OR5AS1: variants seen among roughly 807,000 people sequenced by gnomAD.
OR5AS1 encodes the protein olfactory receptor 5AS1.
For synonymous variants in OR5AS1, 196 were observed against 141.7 expected (o/e 1.38, Z -2.72); for missense variants, 492 against 378.2 (o/e 1.30, Z -2.50).
At position 56,037,809 on chromosome 11, in the gene OR5AS1, C is replaced by G. The variant is rs1853424212; in HGVS notation, c.*6416C>G. 1 of 151,770 alleles carries G rather than the reference C, an allele frequency of 6.6e-6. No individual in the cohort carries two copies. Among genetic ancestry groups the G allele is most frequent in the African/African-American group, 2.4e-5 (1 of 41,274 alleles). The allele number at this position is 151,770 out of a possible 1,614,324, so 9.4% of individuals were successfully genotyped here. On this transcript the variant is annotated 3_prime_UTR_variant, in exon 2 of 2. Transcript: ENST00000641320. ...GGAACCAGAAAACAGCCCATGTAGC[C>G]CAGGCAATCCTAAGCAAAAAGAACA...
rs1853424870 is a variant in OR5AS1, at chr11:56,037,869, ATAC to A, written c.*6480_*6482del. 1 of 152,110 alleles carries A rather than the reference ATAC, an allele frequency of 6.6e-6. No individual in the cohort carries two copies. Among genetic ancestry groups the A allele is most frequent in the Non-Finnish European group, 1.5e-5 (1 of 68,050 alleles). The allele number at this position is 152,110 out of a possible 1,614,324, so 9.4% of individuals were successfully genotyped here. A position where few individuals can be genotyped will look rare whatever the true frequency, so the allele number is the denominator to read the frequency against. ...GCATCATGCTACCTGGCTTCAAACT[ATAC>A]TACAAGGCTACAGTAATAAAAACAG... On this transcript the variant is annotated 3_prime_UTR_variant, in exon 2 of 2. Coordinates refer to ENST00000641320, the MANE Select transcript of OR5AS1 (RefSeq NM_001001921.2).
chr11:56,028,324 C>T lies in OR5AS1; in HGVS notation c.-29+612C>T, dbSNP rs547707453. 1.3e-4 allele frequency among the ~76,000 whole-genome samples: 20 copies of T among 151,978 alleles called. No homozygotes were observed. The South Asian group carries it at 2.9e-3, about 22-fold the overall frequency. On this transcript the variant is annotated intron_variant, in intron 1 of 1. Coordinates refer to ENST00000641320, the MANE Select transcript of OR5AS1 (RefSeq NM_001001921.2). ...AATTAAATATAACAAATAATTTAGGCATAGAGAAGTTCAATGAGTTCTAGA... is the reference window on the plus strand; with the variant it reads ...AATTAAATATAACAAATAATTTAGGTATAGAGAAGTTCAATGAGTTCTAGA...
rs142110904 is a variant in OR5AS1 at position 56,030,730 on chromosome 11, C to T, written c.312C>T (p.Phe104=). 94 of 1,611,682 alleles carry T rather than the reference C, an allele frequency of 5.8e-5. No individual in the cohort carries two copies. The African/African-American group carries it at 6.5e-4, about 11-fold the overall frequency. ...GGTGTGCACTACAAATGTTTTTCTT[C>T]GCTTCTTTTGCTGATGCTGAGTGCC... ...PYGCALQMFF[F]ASFADAECLI... The change falls in exon 2 of 2, where the codon TTC becomes TTT. Residue 104 remains phenylalanine, a synonymous_variant. Coordinates refer to ENST00000641320, the MANE Select transcript of OR5AS1 (RefSeq NM_001001921.2).
rs1014649534 is a variant in OR5AS1, at chr11:56,033,603, T to TA, written c.*2218dup. The TA allele has an allele frequency of 1.3e-5, 2 of 151,928 alleles. No individual in the cohort carries two copies. Among genetic ancestry groups the TA allele is most frequent in the Non-Finnish European group, 2.9e-5 (2 of 68,102 alleles). The allele number at this position is 151,928 out of a possible 1,614,324, so 9.4% of individuals were successfully genotyped here. A position where few individuals can be genotyped will look rare whatever the true frequency, so the allele number is the denominator to read the frequency against. ...TCCTCCTCTCTGGGCAGGGGATCTC[T>TA]AAAAAAAAGGCAGCAGCCCCAGTTA... On this transcript the variant is annotated 3_prime_UTR_variant, in exon 2 of 2. Transcript: ENST00000641320.
rs1161088303 is a variant in OR5AS1, at chr11:56,036,496, A to G, written c.*5103A>G. ...ATACAAACTACCATCAGAGAATACT[A>G]TAAACACCTCCACACAAATAAACTA... On this transcript the variant is annotated 3_prime_UTR_variant, in exon 2 of 2. Transcript: ENST00000641320. 6.6e-6 allele frequency: 1 copy of G among 152,150 alleles called. No homozygotes were observed. The highest frequency in any genetic ancestry group is 1.5e-5 in the Non-Finnish European group (1 of 68,034). The allele number at this position is 152,150 out of a possible 1,614,324, so 9.4% of individuals were successfully genotyped here.
chr11:56,029,067 A>C (rs766168833), intron 1 of OR5AS1, among the ~76,000 whole-genome samples: 10 of 152,056 alleles, frequency 6.6e-5, no homozygotes, highest in Non-Finnish European at 8.8e-5. Context: ...AAAAAATCTG[A>C]GTTCACAAAG....
Position 56,031,437 on chromosome 11 carries a change from C to T in OR5AS1, c.*44C>T. ...TAAACAGCAATTATGCCATGAACAT[C>T]TTATGTGTTAACTATTTTAAATTTA... On this transcript the variant is annotated 3_prime_UTR_variant, in exon 2 of 2. Transcript: ENST00000641320. The T allele has an allele frequency of 3.0e-6, 4 of 1,321,872 alleles. No individual in the cohort carries two copies. The highest frequency in any genetic ancestry group is 4.1e-6 in the Non-Finnish European group (4 of 973,852). The allele number at this position is 1,321,872 out of a possible 1,614,324, so 81.9% of individuals were successfully genotyped here.
rs1238045797 is a variant in OR5AS1 at position 56,036,120 on chromosome 11, C to A, written c.*4727C>A. 6.6e-6 allele frequency: 1 copy of A among 152,022 alleles called. No individual in the cohort carries two copies. The highest frequency in any genetic ancestry group is 6.6e-5 in the Admixed American group (1 of 15,240). 9.4% of individuals were successfully genotyped at this position (152,022 alleles called of 1,614,324 possible). ...ACACAAGGTATCAGAATCTCTGGGACATAGCTAAAGCAGTGTTTAGAGGAA... is the reference window on the plus strand; with the variant it reads ...ACACAAGGTATCAGAATCTCTGGGAAATAGCTAAAGCAGTGTTTAGAGGAA... On this transcript the variant is annotated 3_prime_UTR_variant, in exon 2 of 2. Transcript: ENST00000641320.
chr11:56,033,772 T>C lies in OR5AS1; in HGVS notation c.*2379T>C, dbSNP rs1853375740. On this transcript the variant is annotated 3_prime_UTR_variant, in exon 2 of 2. Coordinates refer to ENST00000641320, the MANE Select transcript of OR5AS1 (RefSeq NM_001001921.2). ...ATACCTCCCAGCACATCGTTCAAGCTCTCCTAAGAGATAGACTCCTGCATC... is the reference window on the plus strand; with the variant it reads ...ATACCTCCCAGCACATCGTTCAAGCCCTCCTAAGAGATAGACTCCTGCATC... 2 of 152,068 alleles carry C rather than the reference T, an allele frequency of 1.3e-5. No homozygotes were observed. Among genetic ancestry groups the C allele is most frequent in the African/African-American group, 4.8e-5 (2 of 41,358 alleles). 9.4% of individuals were successfully genotyped at this position (152,068 alleles called of 1,614,324 possible). A position where few individuals can be genotyped will look rare whatever the true frequency, so the allele number is the denominator to read the frequency against.
intron 1 of OR5AS1, 38 bp from the exon 2 acceptor site, chr11:56,030,353 A>G (rs1402953708): frequency 5.8e-6 from 6 of 1,029,158 alleles, no homozygotes; most frequent in African/African-American, 1.6e-5. Context: ...TGGTTCATCC[A>G]TAACTCAAGT....
Position 56,035,394 on chromosome 11 carries a change from G to A in OR5AS1, c.*4001G>A, listed in dbSNP as rs1330511764. ...CGATCTCATGTGCAAAGCATACATA[G>A]GCTCAAAATAACGGGATGGAGGAAT... is the stretch of plus-strand genomic sequence containing the variant. On this transcript the variant is annotated 3_prime_UTR_variant, in exon 2 of 2. Coordinates refer to ENST00000641320, the MANE Select transcript of OR5AS1 (RefSeq NM_001001921.2). 1 of 151,924 alleles carries A rather than the reference G, an allele frequency of 6.6e-6. No individual in the cohort carries two copies. Among genetic ancestry groups the A allele is most frequent in the African/African-American group, 2.4e-5 (1 of 41,310 alleles). 9.4% of individuals were successfully genotyped at this position (151,924 alleles called of 1,614,324 possible).
chr11:56,032,395 G>A lies in OR5AS1; in HGVS notation c.*1002G>A, dbSNP rs1163202360. 4 of 151,960 alleles carry A rather than the reference G, an allele frequency of 2.6e-5. No individual in the cohort carries two copies. The highest frequency in any genetic ancestry group is 1.9e-4 in the East Asian group (1 of 5,180). The allele number at this position is 151,960 out of a possible 1,614,324, so 9.4% of individuals were successfully genotyped here. A position where few individuals can be genotyped will look rare whatever the true frequency, so the allele number is the denominator to read the frequency against. On this transcript the variant is annotated 3_prime_UTR_variant, in exon 2 of 2. Transcript: ENST00000641320. ...TATAAACAATTTTTACTCTGTAATCGATTTTGATAATTAAATTATCAGATT... is the reference window on the plus strand; with the variant it reads ...TATAAACAATTTTTACTCTGTAATCAATTTTGATAATTAAATTATCAGATT...
chr11:56,030,664 G>A lies in OR5AS1; in HGVS notation c.246G>A (p.Leu82=). The A allele has an allele frequency of 1.3e-6, 2 of 1,583,702 alleles. No homozygotes were observed. The part of the protein sequence containing the change: ...SCSTAITPKM[L]ANFLASRKSI... ...CTACAGCAATCACTCCTAAAATGCT[G>A]GCAAACTTCTTGGCATCCAGGAAAA... The change falls in exon 2 of 2, where the codon CTG becomes CTA. Residue 82 remains leucine (L), a synonymous_variant. Coordinates refer to ENST00000641320, the MANE Select transcript of OR5AS1 (RefSeq NM_001001921.2).
At position 56,037,641 on chromosome 11, in the gene OR5AS1, C is replaced by T. The variant is rs879231446; in HGVS notation, c.*6248C>T. 1.3e-5 allele frequency: 2 copies of T among 151,938 alleles called. No individual in the cohort carries two copies. Among genetic ancestry groups the T allele is most frequent in the Non-Finnish European group, 2.9e-5 (2 of 68,008 alleles). The allele number at this position is 151,938 out of a possible 1,614,324, so 9.4% of individuals were successfully genotyped here. A position where few individuals can be genotyped will look rare whatever the true frequency, so the allele number is the denominator to read the frequency against. On this transcript the variant is annotated 3_prime_UTR_variant, in exon 2 of 2. Coordinates refer to ENST00000641320, the MANE Select transcript of OR5AS1 (RefSeq NM_001001921.2). ...CAAACAAATGGAAAAACATTCCATG[C>T]TCATGGATATGAAGAATCAATATCA...
chr11:56,028,941 A>G (rs986905165), intron 1 of OR5AS1, among the ~76,000 whole-genome samples: 1 of 152,098 alleles, frequency 6.6e-6, no homozygotes, highest in African/African-American at 2.4e-5. Context: ...TTTGAATATT[A>G]TATAAAGCTT....
At chr11:56,028,536 A>G (rs961895492) in intron 1 of OR5AS1, among the ~76,000 whole-genome samples, 1 of 152,092 alleles carries the variant, frequency 6.6e-6, no homozygotes, top group Non-Finnish European at 1.5e-5. Context: ...TCTTTTAGAA[A>G]TAGGAGGTTT....
rs921482095 is a variant in OR5AS1, at chr11:56,037,713, A to G, written c.*6320A>G. 1 of 151,170 alleles carries G rather than the reference A, an allele frequency of 6.6e-6. No homozygotes were observed. The highest frequency in any genetic ancestry group is 1.5e-5 in the Non-Finnish European group (1 of 67,924). 9.4% of individuals were successfully genotyped at this position (151,170 alleles called of 1,614,324 possible). On this transcript the variant is annotated 3_prime_UTR_variant, in exon 2 of 2. Coordinates refer to ENST00000641320, the MANE Select transcript of OR5AS1 (RefSeq NM_001001921.2). Reference sequence around the variant, plus strand: ...CTAAGTAATTTTTAGATTCAATACTATCCCCGTCAAGCTATCATTGAATTT... The same window carrying G: ...CTAAGTAATTTTTAGATTCAATACTGTCCCCGTCAAGCTATCATTGAATTT...
rs1244132904 is a variant in OR5AS1 at position 56,035,802 on chromosome 11, G to C, written c.*4409G>C. The C allele has an allele frequency of 6.6e-6, 1 of 152,038 alleles. No individual in the cohort carries two copies. Among genetic ancestry groups the C allele is most frequent in the Non-Finnish European group, 1.5e-5 (1 of 68,038 alleles). 9.4% of individuals were successfully genotyped at this position (152,038 alleles called of 1,614,324 possible). A position where few individuals can be genotyped will look rare whatever the true frequency, so the allele number is the denominator to read the frequency against. On this transcript the variant is annotated 3_prime_UTR_variant, in exon 2 of 2. Transcript: ENST00000641320. Reference sequence around the variant, plus strand: ...CAAGCAGACCTAATAGACCTCTACAGAACTCTACACCCCAAATCAATAGAA... The same window carrying C: ...CAAGCAGACCTAATAGACCTCTACACAACTCTACACCCCAAATCAATAGAA...
At position 56,030,748 on chromosome 11, in the gene OR5AS1, T is replaced by G. The variant is rs778111383; in HGVS notation, c.330T>G (p.Ala110=). The G allele has an allele frequency of 1.2e-6, 2 of 1,613,054 alleles. No individual in the cohort carries two copies. Among genetic ancestry groups the G allele is most frequent in the East Asian group, 4.5e-5 (2 of 44,824 alleles). ...TTTTCTTCGCTTCTTTTGCTGATGCTGAGTGCCTTATCCTGGCAGCAATGG... is the reference window on the plus strand; with the variant it reads ...TTTTCTTCGCTTCTTTTGCTGATGCGGAGTGCCTTATCCTGGCAGCAATGG... ...QMFFFASFAD[A]ECLILAAMAY... The change falls in exon 2 of 2, where the codon GCT becomes GCG. Residue 110 remains alanine, a synonymous_variant. Coordinates refer to ENST00000641320, the MANE Select transcript of OR5AS1 (RefSeq NM_001001921.2).
Sources: allele counts gnomAD v4.1 joint callset (sites outside exome capture counted in the v4.1 genomes callset), GRCh38; gene constraint gnomAD v4.1.1; transcripts MANE v1.5; gene names NCBI Gene and HGNC (gene_info 2026-07-23, HGNC 2026-07-21).